PIAS1: variants seen among roughly 807,000 people sequenced by gnomAD.
The protein encoded by PIAS1 is E3 SUMO-protein ligase PIAS1.
Under a neutral mutation model 71.3 loss-of-function variants are expected in PIAS1, and 6 were observed. The observed-to-expected ratio is 0.08, with a 90% CI of 0.05 to 0.17. The LOEUF (loss-of-function observed/expected upper bound fraction) is 0.17. PIAS1 is among the 10% of genes least tolerant of loss of function. PIAS1 has a pLI of 1.00. For synonymous variants in PIAS1, 303 were observed against 292.9 expected, an observed-to-expected ratio of 1.03 and a Z score of -0.35; for missense variants, 555 against 793.6, an observed-to-expected ratio of 0.70 and a Z score of 3.61.
chr15:68,147,195 T>G (rs2092813687), intron 6 of PIAS1, among the ~76,000 whole-genome samples: 1 of 152,250 alleles, frequency 6.6e-6, no homozygotes, highest in African/African-American at 2.4e-5. Flanking sequence ...ATTGACAGAT[T>G]ACCTTCTCCA....
rs1213969594 is a variant in PIAS1, at chr15:68,173,601, T to C, written c.1009-131T>C. On this transcript the variant is annotated intron_variant, in intron 8 of 13. Coordinates refer to ENST00000249636, the MANE Select transcript of PIAS1 (RefSeq NM_016166.3). This position sits in a 1 kb window ranked among gnomAD's most constrained non-coding sequence, Gnocchi z 4.3. ...ACAGGAAATGTGTTTAATGTTCTTC[T>C]ACATTGATGAAAAGTCAACACTGTA... 4.1e-6 allele frequency: 2 copies of C among 485,510 alleles called. No homozygotes were observed. Among genetic ancestry groups the C allele is most frequent in the African/African-American group, 3.9e-5 (2 of 50,796 alleles). 30.1% of individuals were successfully genotyped at this position (485,510 alleles called of 1,614,324 possible). A position where few individuals can be genotyped will look rare whatever the true frequency, so the allele number is the denominator to read the frequency against.
At chr15:68,079,309 G>C (rs906100851) in intron 1 of PIAS1, among the ~76,000 whole-genome samples, 1 of 152,072 alleles carries the variant, frequency 6.6e-6, no homozygotes, top group Non-Finnish European at 1.5e-5. Flanking sequence ...TTTAGGGCCT[G>C]TGCATTGATC....
Position 68,193,597 on chromosome 15 carries a change from G to T in PIAS1, c.*5762G>T. 1 of 162,380 alleles carries T rather than the reference G, an allele frequency of 6.2e-6. No individual in the cohort carries two copies. Among genetic ancestry groups the T allele is most frequent in the Non-Finnish European group, 1.3e-5 (1 of 74,308 alleles). The allele number at this position is 162,380 out of a possible 1,614,324, so 10.1% of individuals were successfully genotyped here. ...CAAATACAGAATAAGTCTCTTGGTA[G>T]ATTGCCCTTAAGTCATCAGCTCAAT... On this transcript the variant is annotated 3_prime_UTR_variant, in exon 14 of 14. Coordinates refer to ENST00000249636, the MANE Select transcript of PIAS1 (RefSeq NM_016166.3).
In PIAS1 at chr15:68,153,599, A is replaced by G. The variant is rs772361559; in HGVS notation, c.838A>G (p.Met280Val). 8 of 1,510,794 alleles carry G rather than the reference A, an allele frequency of 5.3e-6. No individual in the cohort carries two copies. The allele number at this position is 1,510,794 out of a possible 1,614,324, so 93.6% of individuals were successfully genotyped here. The change falls in exon 7 of 14, where the codon ATG (methionine) becomes GTG (valine). Residue 280 changes from methionine (M) to valine (V), a missense_variant. Physicochemically the swap from Met to Val is conservative, Grantham distance 21. Around this residue, in one of 5 missense-constraint regions of PIAS1, gnomAD observed 134 missense variants for 203.4 expected, o/e 0.66. Transcript: ENST00000249636. ...TTCTTTTTTTTTCCAGAACTATTCC[A>G]TGGCAGTATATCTTGTAAAACAGTT... ...WTAEIGRNYS[M>V]AVYLVKQLSS...
chr15:68,064,563 G>T (rs1257899972), intron 1 of PIAS1, among the ~76,000 whole-genome samples: 1 of 152,162 alleles, frequency 6.6e-6, no homozygotes, highest in African/African-American at 2.4e-5. Flanking sequence ...TCATTGATAC[G>T]GTTTCAGATT....
At chr15:68,074,763 G>T (rs1323425650) in intron 1 of PIAS1, among the ~76,000 whole-genome samples, 1 of 151,546 alleles carries the variant, frequency 6.6e-6, no homozygotes, top group Non-Finnish European at 1.5e-5. Context: ...GACAGAGTAA[G>T]TTGTAGATAG....
chr15:68,096,312 C>T (rs138660005), intron 2 of PIAS1, among the ~76,000 whole-genome samples: 17 of 152,104 alleles, frequency 1.1e-4, no homozygotes, highest in Admixed American at 2.0e-4. Flanking sequence ...CAAGACCACA[C>T]TGTTTTGATT....
intron 7 of PIAS1, among the ~76,000 whole-genome samples, 170 bp from the exon 8 acceptor site, chr15:68,164,560 CT>C (rs2092944848): frequency 6.6e-6 from 1 of 152,128 alleles, no homozygotes; most frequent in South Asian, 2.1e-4. Flanking sequence ...GTTTTCCATC[CT>C]TTGCTTATAG....
intron 2 of PIAS1, among the ~76,000 whole-genome samples, chr15:68,114,106 G>A (rs937567659): frequency 7.3e-5 from 11 of 150,864 alleles, no homozygotes; most frequent in Non-Finnish European, 1.3e-4. Flanking sequence ...GGTATAAAAA[G>A]CAAATTATTA....
intron 1 of PIAS1, chr15:68,061,502 C>G (rs763674101): frequency 1.1e-4 from 17 of 152,090 alleles, no homozygotes; most frequent in Non-Finnish European, 2.1e-4. Flanking sequence ...AATGAAGAAA[C>G]CACCTTTTTA....
chr15:68,067,085 G>A (rs748848315), intron 1 of PIAS1, among the ~76,000 whole-genome samples: 13 of 151,542 alleles, frequency 8.6e-5, no homozygotes, highest in Non-Finnish European at 1.6e-4. Flanking sequence ...TTAGATTTGT[G>A]CCTCACCCTT....
At chr15:68,094,005 AT>A (rs2092353908) in intron 2 of PIAS1, among the ~76,000 whole-genome samples, 1 of 152,168 alleles carries the variant, frequency 6.6e-6, no homozygotes, top group Admixed American at 6.6e-5. Context: ...GTGTCCTTCA[AT>A]TTGTGATTAA....
chr15:68,088,166 TTA>T (rs2092300056), intron 2 of PIAS1, among the ~76,000 whole-genome samples: 1 of 35,976 alleles, frequency 2.8e-5, no homozygotes, highest in Non-Finnish European at 4.9e-5. Flanking sequence ...GTCTGTCTGA[TTA>T]TGTGTGTGTA....
intron 6 of PIAS1, among the ~76,000 whole-genome samples, chr15:68,151,707 C>CACACACACACACACACACA: frequency 7.4e-6 from 1 of 134,508 alleles, no homozygotes; most frequent in African/African-American, 2.8e-5. Flanking sequence ...CACACACACA[C>CACACACACACACACACACA]AAATTAGCTA....
intron 7 of PIAS1, chr15:68,153,897 T>C (rs2092867812): frequency 2.8e-6 from 1 of 361,194 alleles, no homozygotes; most frequent in African/African-American, 2.1e-5. Flanking sequence ...GTGAAGTCAG[T>C]GCACAAACAT....
intron 2 of PIAS1, among the ~76,000 whole-genome samples, chr15:68,090,925 C>CA (rs552640107): frequency 0.04 from 2,929 of 73,792 alleles, 91 homozygotes; most frequent in African/African-American, 0.12. Flanking sequence ...TAGTCATTTA[C>CA]GGGTGTGTGT....
intron 7 of PIAS1, among the ~76,000 whole-genome samples, chr15:68,157,460 G>A (rs1044404813): frequency 3.3e-5 from 5 of 152,122 alleles, no homozygotes; most frequent in African/African-American, 1.2e-4. Flanking sequence ...CCTCCTCACT[G>A]CATCTCATTA....
chr15:68,147,665 ATTTG>A (rs1448331161), intron 6 of PIAS1, among the ~76,000 whole-genome samples: 2 of 151,954 alleles, frequency 1.3e-5, no homozygotes, highest in Non-Finnish European at 2.9e-5. Flanking sequence ...CTATGGAATT[ATTTG>A]TTTATTTTCT....
At chr15:68,106,045 A>G (rs76492244) in intron 2 of PIAS1, among the ~76,000 whole-genome samples, 3,174 of 152,286 alleles carry the variant, frequency 0.021, 110 homozygotes, top group African/African-American at 0.072. Flanking sequence ...GAGGTCCATT[A>G]TAAAATATAC....
Sources: allele counts gnomAD v4.1 joint callset (sites outside exome capture counted in the v4.1 genomes callset), GRCh38; gene constraint gnomAD v4.1.1; regional missense constraint gnomAD v4.1.1; non-coding constraint Gnocchi (gnomAD v3.1); transcripts MANE v1.5; gene names NCBI Gene and HGNC (gene_info 2026-07-23, HGNC 2026-07-21).